ADAMTSL1: variants seen among roughly 807,000 people sequenced by gnomAD.
ADAMTSL1 encodes ADAMTS-like protein 1.
In ADAMTSL1, 126 loss-of-function variants were observed where a neutral mutation model predicts 201.8. The ratio of observed to expected loss-of-function variants is 0.62; its 90% CI spans 0.54 to 0.72. The LOEUF (loss-of-function observed/expected upper bound fraction) is 0.72, where lower values mean the gene tolerates loss of function less well. Among genes scored for constraint, ADAMTSL1 ranks in the 30% least tolerant of loss-of-function variants. The probability of loss-of-function intolerance (pLI) is 0.00; values close to 1 mark genes in which losing one functional copy is unlikely to be tolerated. For synonymous variants in ADAMTSL1, 1,121 were observed against 903.4 expected, an observed-to-expected ratio of 1.24 and a Z score of -4.32; for missense variants, 2,679 against 2,277.8, an observed-to-expected ratio of 1.18 and a Z score of -3.59.
In ADAMTSL1 at chr9:17,937,519, G is replaced by GA. The variant is rs972887248; in HGVS notation, c.87+30605dup. Among the ~76,000 whole-genome samples, 52 of 151,318 alleles carry GA rather than the reference G, an allele frequency of 3.4e-4. No homozygotes were observed. The East Asian group carries it at 8.7e-3, about 25-fold the overall frequency. The stretch of plus-strand genomic sequence containing the variant: ...TAATTCTATAACATTGTTTCTATGG[G>GA]AAAAAAAATGGATTCCTACTTTTAA... On this transcript the variant is annotated intron_variant, in intron 1 of 29. Coordinates refer to the ADAMTSL1 transcript ENST00000680146.
chr9:18,539,012 A>G (rs1564028999), intron 3 of ADAMTSL1, among the ~76,000 whole-genome samples: 1 of 151,834 alleles, frequency 6.6e-6, no homozygotes, highest in Non-Finnish European at 1.5e-5. Context: ...CAGTGAGCCA[A>G]CTCTTTCCAG....
chr9:18,020,724 G>T (rs1199979240), intron 1 of ADAMTSL1, among the ~76,000 whole-genome samples: 1 of 152,024 alleles, frequency 6.6e-6, no homozygotes, highest in Non-Finnish European at 1.5e-5. Context: ...TATCACCCGG[G>T]TTCCTTGGAA....
At chr9:17,992,281 T>C (rs1449014336) in intron 1 of ADAMTSL1, among the ~76,000 whole-genome samples, 1 of 152,158 alleles carries the variant, frequency 6.6e-6, no homozygotes, top group East Asian at 1.9e-4. Context: ...TGTGCAAGTT[T>C]ATCTGCAGCT....
At chr9:18,692,521 C>G (rs1831294852) in intron 13 of ADAMTSL1, among the ~76,000 whole-genome samples, 1 of 152,118 alleles carries the variant, frequency 6.6e-6, no homozygotes, top group African/African-American at 2.4e-5. Context: ...TAATGGGATC[C>G]TTGTGTGCCA....
At chr9:18,644,198 T>C (rs1214794057) in intron 7 of ADAMTSL1, among the ~76,000 whole-genome samples, 5 of 151,940 alleles carry the variant, frequency 3.3e-5, no homozygotes, top group Admixed American at 6.6e-5. Context: ...ATAGAAATGC[T>C]ATTGATGTTT....
At chr9:18,090,164 G>T (rs992151793) in intron 1 of ADAMTSL1, among the ~76,000 whole-genome samples, 1 of 152,130 alleles carries the variant, frequency 6.6e-6, no homozygotes, top group African/African-American at 2.4e-5. Flanking sequence ...TATAAAGGTT[G>T]CAGCTCCCTT....
chr9:18,198,379 C>T (rs1295574423), intron 2 of ADAMTSL1, among the ~76,000 whole-genome samples: 1 of 146,200 alleles, frequency 6.8e-6, no homozygotes, highest in East Asian at 2.0e-4. Context: ...GGCTAATATC[C>T]AGAATCTACA....
intron 16 of ADAMTSL1, among the ~76,000 whole-genome samples, chr9:18,756,832 A>G (rs1409363676): frequency 6.6e-6 from 1 of 152,174 alleles, no homozygotes; most frequent in Non-Finnish European, 1.5e-5. Flanking sequence ...CAGTGTTACC[A>G]CTGACCTCAT....
intron 9 of ADAMTSL1, among the ~76,000 whole-genome samples, 196 bp downstream of exon 9, chr9:18,662,269 G>A (rs550644423): frequency 1.1e-4 from 17 of 152,202 alleles, no homozygotes; most frequent in South Asian, 4.2e-4. Flanking sequence ...AGGCCATCTC[G>A]GAGTCTACAG....
At chr9:18,392,853 C>T (rs1587059149) in intron 2 of ADAMTSL1, among the ~76,000 whole-genome samples, 1 of 152,172 alleles carries the variant, frequency 6.6e-6, no homozygotes, top group Non-Finnish European at 1.5e-5. Flanking sequence ...ACTTTGGGGC[C>T]TCCCTCACTT....
intron 1 of ADAMTSL1, among the ~76,000 whole-genome samples, chr9:18,041,465 T>C (rs1352680054): frequency 1.3e-5 from 2 of 152,196 alleles, no homozygotes; most frequent in African/African-American, 4.8e-5. Context: ...TTTGGAAATG[T>C]TGAGGATAAA....
chr9:18,200,769 C>T (rs1416644521), intron 2 of ADAMTSL1, among the ~76,000 whole-genome samples: 1 of 151,830 alleles, frequency 6.6e-6, no homozygotes, highest in Non-Finnish European at 1.5e-5. Flanking sequence ...AAATAAAATA[C>T]AGGCAAAAAT....
chr9:18,263,807 G>C (rs528812313), intron 2 of ADAMTSL1, among the ~76,000 whole-genome samples: 103 of 152,266 alleles, frequency 6.8e-4, no homozygotes, highest in Non-Finnish European at 2.8e-4. Context: ...GGAAGGCCAC[G>C]TGAACACACA....
chr9:18,341,370 C>CCTTTATCTTCCTAACTTGCATTACTT lies in ADAMTSL1; in HGVS notation c.208-163436_208-163411dup. 2.0e-5 allele frequency among the ~76,000 whole-genome samples: 3 copies of CCTTTATCTTCCTAACTTGCATTACTT among 152,152 alleles called. No homozygotes were observed. The Middle Eastern group carries it at 0.01, about 518-fold the overall frequency. On this transcript the variant is annotated intron_variant, in intron 2 of 29. Transcript: ENST00000680146. ...GCCTATCCAACATTCTTCATTATACCCTTTATCTTCCTAACTTGCATTACT... is the reference window on the plus strand; with the variant it reads ...GCCTATCCAACATTCTTCATTATACCCTTTATCTTCCTAACTTGCATTACTTCTTTATCTTCCTAACTTGCATTACT...
At chr9:17,990,501 AT>A (rs917860709) in intron 1 of ADAMTSL1, among the ~76,000 whole-genome samples, 7 of 151,844 alleles carry the variant, frequency 4.6e-5, no homozygotes, top group Admixed American at 2.0e-4. Context: ...TAGGTCTGAG[AT>A]TTTTTTTCAC....
chr9:18,588,103 G>T (rs2132456230), intron 4 of ADAMTSL1, among the ~76,000 whole-genome samples: 1 of 152,198 alleles, frequency 6.6e-6, no homozygotes, highest in East Asian at 1.9e-4. Flanking sequence ...GTGTGCAAGT[G>T]TTTCTCTTAC....
intron 19 of ADAMTSL1, among the ~76,000 whole-genome samples, chr9:18,794,687 A>G (rs1225257490): frequency 3.3e-5 from 5 of 151,002 alleles, no homozygotes; most frequent in Admixed American, 6.6e-5. Flanking sequence ...AAGCTGGAGT[A>G]CAGTGGGGCA....
intron 10 of ADAMTSL1, 58 bp from the exon 11 acceptor site, chr9:18,680,254 C>T: frequency 6.5e-7 from 1 of 1,539,870 alleles, no homozygotes. Flanking sequence ...GTGGACCAGT[C>T]ACTGAGGAGG....
At chr9:18,680,817 A>G in intron 11 of ADAMTSL1, 1 of 385,306 alleles carries the variant, frequency 2.6e-6, no homozygotes. Context: ...TGAATGAATG[A>G]TCCCGAATCT....
Sources: gnomAD v4.1 joint callset for allele counts (sites outside exome capture counted in the v4.1 genomes callset) on GRCh38, gnomAD v4.1.1 for gene constraint, MANE v1.5 for transcripts, NCBI Gene and HGNC (gene_info 2026-07-23, HGNC 2026-07-21) for gene names.